The following COG5 variants were observed in gnomAD, a reference collection of about 807,000 sequenced individuals.
COG5 encodes the protein component of oligomeric golgi complex 5.
Under a neutral mutation model 110.4 loss-of-function variants are expected in COG5, and 86 were observed. That is an observed-to-expected ratio of 0.78 (90% CI 0.65 to 0.93). The LOEUF is 0.93. COG5 is among the 40% of genes least tolerant of loss of function. The pLI is 0.00. For missense variants in COG5, 1,077 were observed against 987.0 expected (o/e 1.09, Z -1.22); for synonymous variants, 360 against 334.6 (o/e 1.08, Z -0.83).
chr7:107,422,048 A>G (rs1012228483), intron 6 of COG5, among the ~76,000 whole-genome samples: 1 of 152,186 alleles, frequency 6.6e-6, no homozygotes, highest in Non-Finnish European at 1.5e-5. Context: ...TCCTGCCTCA[A>G]GAAACTAGAA....
At chr7:107,349,651 G>A (rs1298903958) in intron 10 of COG5, among the ~76,000 whole-genome samples, 4 of 151,932 alleles carry the variant, frequency 2.6e-5, no homozygotes, top group East Asian at 3.9e-4. Flanking sequence ...TCCGCCTCCC[G>A]GGTTCACGCC....
rs778522810 is a variant in COG5, at chr7:107,554,351, C to CA, written c.235-10dup. Reference sequence around the variant, plus strand: ...TCATGTCTTGCAACAACCTGAAAATCAAAAATAAATGATTAGCTTTTGCTC... The same window carrying CA: ...TCATGTCTTGCAACAACCTGAAAATCAAAAAATAAATGATTAGCTTTTGCTC... On this transcript the variant is annotated splice_polypyrimidine_tract_variant and intron_variant, in intron 2 of 21. Coordinates refer to ENST00000297135, the MANE Select transcript of COG5 (RefSeq NM_006348.5). 18 of 1,612,460 alleles carry CA rather than the reference C, an allele frequency of 1.1e-5. No homozygotes were observed. The African/African-American group carries it at 2.3e-4, about 20-fold the overall frequency.
chr7:107,481,473 G>T (rs1000594568), intron 6 of COG5, among the ~76,000 whole-genome samples: 1 of 152,070 alleles, frequency 6.6e-6, no homozygotes, highest in African/African-American at 2.4e-5. Flanking sequence ...ACTGTAGTGA[G>T]GTAATAATTA....
chr7:107,554,461 AAAAAC>A, intron 2 of COG5, 119 bp from the exon 3 acceptor site: 3 of 878,272 alleles, frequency 3.4e-6, no homozygotes, highest in Non-Finnish European at 5.6e-6. Flanking sequence ...ATACAAAAGA[AAAAAC>A]CACAGGTTTT....
intron 6 of COG5, among the ~76,000 whole-genome samples, chr7:107,419,554 T>C (rs986984734): frequency 4.0e-5 from 6 of 151,442 alleles, no homozygotes; most frequent in African/African-American, 1.5e-4. Flanking sequence ...CAAAAACACA[T>C]AAAGAATTTA....
intron 19 of COG5, among the ~76,000 whole-genome samples, chr7:107,223,291 G>A (rs1292829308): frequency 2.0e-5 from 3 of 152,192 alleles, no homozygotes; most frequent in Non-Finnish European, 2.9e-5. Context: ...GAAAGTGTTG[G>A]AGGCCTGTAG....
intron 7 of COG5, among the ~76,000 whole-genome samples, chr7:107,408,845 A>C (rs1407216594): frequency 1.3e-5 from 2 of 152,216 alleles, no homozygotes; most frequent in Non-Finnish European, 2.9e-5. Context: ...TGGAGGTAGC[A>C]ATATGTGCCC....
intron 10 of COG5, among the ~76,000 whole-genome samples, chr7:107,334,033 T>G (rs958667661): frequency 6.6e-6 from 1 of 152,132 alleles, no homozygotes; most frequent in African/African-American, 2.4e-5. Context: ...TTACTAGTAT[T>G]TTGAAAATTC....
intron 12 of COG5, among the ~76,000 whole-genome samples, chr7:107,295,241 C>T (rs1451344550): frequency 1.3e-5 from 2 of 149,550 alleles, no homozygotes; most frequent in African/African-American, 4.9e-5. Flanking sequence ...CGTACCCAGT[C>T]TTAATTTTCC....
chr7:107,267,540 G>C (rs1459656496), intron 14 of COG5, among the ~76,000 whole-genome samples: 1 of 152,122 alleles, frequency 6.6e-6, no homozygotes, highest in Non-Finnish European at 1.5e-5. Flanking sequence ...AATGAATACT[G>C]TAAGTAATTT....
intron 12 of COG5, among the ~76,000 whole-genome samples, chr7:107,284,044 C>G (rs904726399): frequency 2.6e-5 from 4 of 151,618 alleles, no homozygotes; most frequent in African/African-American, 9.7e-5. Context: ...CCTGCCTCAG[C>G]CTCCCAAGTA....
intron 6 of COG5, among the ~76,000 whole-genome samples, chr7:107,454,771 T>C (rs1978085): frequency 0.15 from 22,613 of 152,174 alleles, 2,104 homozygotes; most frequent in Non-Finnish European, 0.2. Context: ...AGACATGGGT[T>C]GGCAGATTTG....
chr7:107,550,084 T>C (rs573901498), intron 3 of COG5, among the ~76,000 whole-genome samples: 9 of 152,092 alleles, frequency 5.9e-5, no homozygotes, highest in Non-Finnish European at 1.2e-4. Flanking sequence ...CCCCAACCTA[T>C]CAAAAATCAC....
rs542998135 is a variant in COG5, at chr7:107,311,142, C to T, written c.1109-12796G>A. Among the ~76,000 whole-genome samples the T allele has an allele frequency of 9.2e-5, 14 of 152,176 alleles. No individual in the cohort carries two copies. The East Asian group carries it at 1.2e-3, about 13-fold the overall frequency. ...CGATAGATCCTTAAAAGTAGAATTT[C>T]GGGGTAAATGAGTAGCTGCTTATAT... On this transcript the variant is annotated intron_variant, in intron 11 of 21. Coordinates refer to ENST00000297135, the MANE Select transcript of COG5 (RefSeq NM_006348.5).
At chr7:107,483,797 T>C (rs1207030074) in intron 6 of COG5, among the ~76,000 whole-genome samples, 1 of 151,796 alleles carries the variant, frequency 6.6e-6, no homozygotes, top group East Asian at 1.9e-4. Flanking sequence ...CCAAGTAATA[T>C]ATTCCAGATA....
At chr7:107,258,131 G>A (rs1262515798) in intron 15 of COG5, 142 bp downstream of exon 15, 4 of 632,568 alleles carry the variant, frequency 6.3e-6, no homozygotes, top group African/African-American at 1.8e-5. Context: ...GTTTAAAAGA[G>A]TTAACTCCTT....
intron 6 of COG5, among the ~76,000 whole-genome samples, chr7:107,496,272 T>C (rs1274344193): frequency 2.6e-5 from 4 of 152,134 alleles, no homozygotes; most frequent in Non-Finnish European, 5.9e-5. Context: ...AACAATATAC[T>C]AGCAAACCAA....
chr7:107,532,125 T>G (rs980271541), intron 5 of COG5, among the ~76,000 whole-genome samples: 2 of 152,154 alleles, frequency 1.3e-5, no homozygotes, highest in African/African-American at 4.8e-5. Context: ...GGCACAACCT[T>G]GGCTTACTGC....
rs563793257 is a variant in COG5, at chr7:107,207,939, G to A, written c.2375+2587C>T. On this transcript the variant is annotated intron_variant, in intron 21 of 21. Coordinates refer to ENST00000297135, the MANE Select transcript of COG5 (RefSeq NM_006348.5). ...ACAACCTAACATATTATGCTGGGAG[G>A]AACAGAATGAGTATACAACAAGGTT... is the stretch of plus-strand genomic sequence containing the variant. 4 of 985,352 alleles carry A rather than the reference G, an allele frequency of 4.1e-6. No homozygotes were observed. The South Asian group carries it at 1.9e-4, about 46-fold the overall frequency. The allele number at this position is 985,352 out of a possible 1,614,324, so 61.0% of individuals were successfully genotyped here. A position where few individuals can be genotyped will look rare whatever the true frequency, so the allele number is the denominator to read the frequency against.
Sources: gnomAD v4.1 joint callset for allele counts (sites outside exome capture counted in the v4.1 genomes callset) on GRCh38, gnomAD v4.1.1 for gene constraint, MANE v1.5 for transcripts, NCBI Gene and HGNC (gene_info 2026-07-23, HGNC 2026-07-21) for gene names.